Variants in LRP2 observed in about 807,000 individuals in gnomAD.
LRP2 encodes the protein LDL receptor related protein 2.
A neutral mutation model predicts 531.0 loss-of-function variants in LRP2; 172 were observed. The ratio of observed to expected loss-of-function variants is 0.32; its 90% CI spans 0.29 to 0.37. LRP2 has a LOEUF of 0.37. Ranked by LOEUF, LRP2 falls within the 10% of genes least tolerant of loss-of-function variation. LRP2 has a pLI of 1.00. For missense variants in LRP2, 5,167 were observed against 5,868.3 expected (o/e 0.88, Z 3.90); for synonymous variants, 1,992 against 2,027.6 (o/e 0.98, Z 0.47).
intron 12 of LRP2, 90 bp from the exon 13 acceptor site, chr2:169,278,041 A>G: frequency 9.6e-7 from 1 of 1,038,178 alleles, no homozygotes; most frequent in East Asian, 2.5e-5. Flanking sequence ...ATCAATGGAA[A>G]TTTTATCCAG....
intron 16 of LRP2, among the ~76,000 whole-genome samples, chr2:169,263,679 T>A (rs1049991160): frequency 4.0e-5 from 6 of 151,676 alleles, no homozygotes; most frequent in Admixed American, 1.3e-4. Flanking sequence ...ATTGTGGAAG[T>A]CAGTGTGGCG....
chr2:169,206,730 G>C lies in LRP2; in HGVS notation c.6990C>G (p.Asp2330Glu). ...CTGGTGACCGGGGCTGGACTTGCTT[G>C]TCAAAGATGGTCACATCTCTTAGCC... ...INWLRDVTIF[D>E]KQVQPRSPAE... Residue 2330 changes from aspartate to glutamate, a missense_variant, in exon 39 of 79, where the codon GAC (aspartate) becomes GAG (glutamate). Physicochemically the swap from Asp to Glu is conservative, Grantham distance 45 (BLOSUM62 2). Around this residue, in one of 6 missense-constraint regions of LRP2, gnomAD observed 2,811 missense variants for 3,058.0 expected, o/e 0.92. Coordinates refer to ENST00000649046, the MANE Select transcript of LRP2 (RefSeq NM_004525.3). The C allele has an allele frequency of 6.2e-7, 1 of 1,614,138 alleles. No homozygotes were observed. Among genetic ancestry groups the C allele is most frequent in the Non-Finnish European group, 8.5e-7 (1 of 1,180,022 alleles).
chr2:169,148,182 A>G (rs1251094263), intron 68 of LRP2, among the ~76,000 whole-genome samples: 1 of 152,196 alleles, frequency 6.6e-6, no homozygotes, highest in Non-Finnish European at 1.5e-5. Context: ...GTTTTCATTA[A>G]AAAGGACACA....
chr2:169,185,127 C>T lies in LRP2; in HGVS notation c.9845+376G>A, dbSNP rs374993658. 2.6e-5 allele frequency among the ~76,000 whole-genome samples: 4 copies of T among 152,254 alleles called. No homozygotes were observed. In the East Asian group the frequency reaches 5.8e-4, roughly 22 times the overall value. On this transcript the variant is annotated intron_variant, in intron 50 of 78. Coordinates refer to ENST00000649046, the MANE Select transcript of LRP2 (RefSeq NM_004525.3). ...CAAGGGCCATGTCTGCCTTGTTCCC[C>T]TCAAAACCCCTGCTGCTTGTCATCA...
chr2:169,309,662 C>A (rs1237642365), intron 3 of LRP2, among the ~76,000 whole-genome samples: 1 of 152,104 alleles, frequency 6.6e-6, no homozygotes, highest in Non-Finnish European at 1.5e-5. Flanking sequence ...TAGCATGATG[C>A]CTCCAGCTTT....
intron 50 of LRP2, 134 bp downstream of exon 50, chr2:169,185,369 A>C: frequency 1.2e-6 from 1 of 808,076 alleles, no homozygotes; most frequent in Non-Finnish European, 2.0e-6. Flanking sequence ...TACAAAGCAG[A>C]AAATAAACCT....
intron 24 of LRP2, 126 bp from the exon 25 acceptor site, chr2:169,241,491 A>C: frequency 1.0e-6 from 1 of 992,462 alleles, no homozygotes; most frequent in Non-Finnish European, 1.6e-6. Context: ...GACCAAATTA[A>C]TATTTAAGGC....
Position 169,191,959 on chromosome 2 carries a change from A to G in LRP2, c.8905T>C (p.Ser2969Pro). The change falls in exon 48 of 79, where the codon TCT (serine) becomes CCT (proline). Residue 2969 changes from serine to proline, a missense_variant. Ser to Pro is a moderately conservative substitution (Grantham distance 74). Transcript: ENST00000649046. ...RPPDRRCIPQ[S>P]WVCDGDVDCT... The stretch of plus-strand genomic sequence containing the variant: ...TCCACATCGCCATCACAGACCCAAG[A>G]CTGGGGAATGCACCTCCTGTCCGGA... 1 of 1,614,098 alleles carries G rather than the reference A, an allele frequency of 6.2e-7. No homozygotes were observed. The highest frequency in any genetic ancestry group is 1.1e-5 in the South Asian group (1 of 91,078).
intron 63 of LRP2, among the ~76,000 whole-genome samples, chr2:169,159,480 T>C (rs887806894): frequency 2.6e-5 from 4 of 152,176 alleles, no homozygotes; most frequent in African/African-American, 9.6e-5. Context: ...CAAAGCTGTA[T>C]GCATGAAAGT....
At position 169,138,685 on chromosome 2, in the gene LRP2, G is replaced by A. The variant is rs1419052115; in HGVS notation, c.13410C>T (p.Pro4470=). 2 of 1,613,816 alleles carry A rather than the reference G, an allele frequency of 1.2e-6. No homozygotes were observed. Among genetic ancestry groups the A allele is most frequent in the Non-Finnish European group, 1.7e-6 (2 of 1,179,924 alleles). ...AGGTCACCCCATTCCCATTTTCAGAGGGCTTGACGAGACTGCTTAAGCTGG... is the reference window on the plus strand; with the variant it reads ...AGGTCACCCCATTCCCATTTTCAGAAGGCTTGACGAGACTGCTTAAGCTGG... The part of the protein sequence containing the change: ...KLPSLSSLVK[P]SENGNGVTFR... The change falls in exon 75 of 79, where the codon CCC becomes CCT. Residue 4470 remains proline, a synonymous_variant. Transcript: ENST00000649046.
At chr2:169,292,917 C>T (rs1684037578) in intron 6 of LRP2, among the ~76,000 whole-genome samples, 2 of 151,890 alleles carry the variant, frequency 1.3e-5, no homozygotes, top group Non-Finnish European at 2.9e-5. Context: ...GACAAAGATG[C>T]TGCAGACATG....
chr2:169,178,381 T>C (rs751056137), intron 52 of LRP2, among the ~76,000 whole-genome samples: 4 of 152,230 alleles, frequency 2.6e-5, no homozygotes, highest in Admixed American at 1.3e-4. Context: ...ACCCTTTTGA[T>C]ATCCTGGGGT....
chr2:169,235,024 C>T (rs1451367921), intron 29 of LRP2, among the ~76,000 whole-genome samples: 6 of 151,382 alleles, frequency 4.0e-5, no homozygotes, highest in Non-Finnish European at 7.4e-5. Context: ...AATCCTCCCA[C>T]CTCAGCCTCC....
intron 33 of LRP2, 129 bp from the exon 34 acceptor site, chr2:169,220,692 T>C (rs1174401627): frequency 1.4e-6 from 1 of 693,956 alleles, no homozygotes; most frequent in Non-Finnish European, 2.6e-6. Flanking sequence ...AGGATTTGCA[T>C]GAGATTCAGA....
chr2:169,169,259 G>A (rs1400749619), intron 60 of LRP2, among the ~76,000 whole-genome samples: 1 of 152,206 alleles, frequency 6.6e-6, no homozygotes, highest in Non-Finnish European at 1.5e-5. Context: ...CAGGTGTGGA[G>A]GGGCTGGCCC....
At chr2:169,193,713 G>A in intron 47 of LRP2, 48 bp downstream of exon 47, 1 of 1,613,178 alleles carries the variant, frequency 6.2e-7, no homozygotes, top group Non-Finnish European at 8.5e-7. Flanking sequence ...ACTCTACTGT[G>A]TTTCCCTGGA....
intron 64 of LRP2, 87 bp from the exon 65 acceptor site, chr2:169,156,492 G>C: frequency 6.7e-7 from 1 of 1,483,204 alleles, no homozygotes; most frequent in Non-Finnish European, 9.4e-7. Flanking sequence ...ATATTCACCA[G>C]CAATGAGGAC....
At chr2:169,144,516 G>A (rs1474634982) in intron 70 of LRP2, among the ~76,000 whole-genome samples, 9 of 152,098 alleles carry the variant, frequency 5.9e-5, no homozygotes, top group South Asian at 4.1e-4. Context: ...GTCCAGAGGC[G>A]GTAGGGAGGG....
intron 61 of LRP2, among the ~76,000 whole-genome samples, chr2:169,166,378 G>A (rs943631551): frequency 2.0e-5 from 3 of 152,266 alleles, no homozygotes; most frequent in Admixed American, 6.5e-5. Flanking sequence ...GTTAGGGAGA[G>A]GAAGGCTTGG....
Sources: allele counts gnomAD v4.1 joint callset (sites outside exome capture counted in the v4.1 genomes callset), GRCh38; gene constraint gnomAD v4.1.1; regional missense constraint gnomAD v4.1.1; transcripts MANE v1.5; gene names NCBI Gene and HGNC (gene_info 2026-07-23, HGNC 2026-07-21).